The following FAM78B variants were observed in gnomAD, a reference collection of about 807,000 sequenced individuals.
FAM78B encodes the protein protein FAM78B.
A neutral mutation model predicts 20.0 loss-of-function variants in FAM78B; 10 were observed. The ratio of observed to expected loss-of-function variants is 0.50; its 90% CI spans 0.31 to 0.85. The LOEUF is 0.85. Among genes scored for constraint, FAM78B ranks in the 40% least tolerant of loss-of-function variants. The probability of loss-of-function intolerance (pLI) is 0.05; values close to 1 mark genes in which losing one functional copy is unlikely to be tolerated. For synonymous variants in FAM78B, 135 were observed against 132.8 expected (o/e 1.02, Z -0.12); for missense variants, 283 against 345.0 (o/e 0.82, Z 1.42).
chr1:166,109,379 A>G (rs958058924), intron 1 of FAM78B, among the ~76,000 whole-genome samples: 1 of 152,212 alleles, frequency 6.6e-6, no homozygotes, highest in Admixed American at 6.5e-5. Context: ...AAAAGAGGAT[A>G]TACAAATGGC....
chr1:166,076,562 C>A (rs995423736), intron 1 of FAM78B, among the ~76,000 whole-genome samples: 91 of 152,176 alleles, frequency 6.0e-4, no homozygotes, highest in African/African-American at 2.1e-3. Flanking sequence ...CTCCACAGCA[C>A]CTTCTAATAC....
chr1:166,117,582 T>A (rs1299842600), intron 1 of FAM78B, among the ~76,000 whole-genome samples: 1 of 152,152 alleles, frequency 6.6e-6, no homozygotes, highest in African/African-American at 2.4e-5. Context: ...TTTCTATGGA[T>A]ATGTGCTTTG....
intron 2 of FAM78B, among the ~76,000 whole-genome samples, chr1:166,063,693 C>T (rs560612575): frequency 2.0e-5 from 3 of 152,328 alleles, no homozygotes; most frequent in South Asian, 2.1e-4. Context: ...CTAGGCTCAG[C>T]GATCTCACTA....
intron 1 of FAM78B, among the ~76,000 whole-genome samples, chr1:166,132,570 C>A (rs1654915063): frequency 6.6e-6 from 1 of 152,166 alleles, no homozygotes; most frequent in Non-Finnish European, 1.5e-5. Flanking sequence ...TATGCCATCT[C>A]CCTTCTTGTA....
chr1:166,068,602 T>TTTA (rs554840208), downstream of FAM78B, among the ~76,000 whole-genome samples: 224 of 152,332 alleles, frequency 1.5e-3, no homozygotes, highest in African/African-American at 5.2e-3. Flanking sequence ...CCTGCTGCTT[T>TTTA]TTATTCTCTA....
At position 166,166,395 on chromosome 1, in the gene FAM78B, C is replaced by A; in HGVS notation, c.-147G>T. The A allele has an allele frequency of 1.5e-6, 1 of 681,316 alleles. No individual in the cohort carries two copies. The highest frequency in any genetic ancestry group is 1.8e-6 in the Non-Finnish European group (1 of 544,918). The allele number at this position is 681,316 out of a possible 1,614,324, so 42.2% of individuals were successfully genotyped here. A position where few individuals can be genotyped will look rare whatever the true frequency, so the allele number is the denominator to read the frequency against. ...CACCTAGGAGCGGGGAGCCGCCGGG[C>A]ATCCTTGGGGAAGCCCCCTCCTCTT... On this transcript the variant is annotated 5_prime_UTR_variant, in exon 1 of 2. The change abolishes an upstream ATG in the 5' untranslated region. Coordinates refer to ENST00000354422, the MANE Select transcript of FAM78B (RefSeq NM_001017961.5).
At chr1:166,086,268 C>G (rs1429347619) in intron 1 of FAM78B, among the ~76,000 whole-genome samples, 1 of 152,144 alleles carries the variant, frequency 6.6e-6, no homozygotes, top group Non-Finnish European at 1.5e-5. Context: ...TAACCTGATT[C>G]TCCCTCCCCC....
intron 1 of FAM78B, among the ~76,000 whole-genome samples, chr1:166,100,596 T>G (rs1378465219): frequency 6.6e-6 from 1 of 152,230 alleles, no homozygotes; most frequent in African/African-American, 2.4e-5. Flanking sequence ...TGCTGATTGC[T>G]AGCACAGCAG....
At chr1:166,124,575 A>G (rs972594896) in intron 1 of FAM78B, among the ~76,000 whole-genome samples, 3 of 152,238 alleles carry the variant, frequency 2.0e-5, no homozygotes, top group African/African-American at 7.2e-5. Context: ...TATAAGTAGC[A>G]GAGCCAAGTT....
At chr1:166,122,241 G>A (rs1363035398) in intron 1 of FAM78B, among the ~76,000 whole-genome samples, 2 of 152,126 alleles carry the variant, frequency 1.3e-5, no homozygotes, top group Non-Finnish European at 2.9e-5. Context: ...CTGATAATCA[G>A]GAGAAGGCTG....
intron 1 of FAM78B, among the ~76,000 whole-genome samples, chr1:166,104,373 GAAAT>G (rs1653675657): frequency 6.6e-6 from 1 of 152,098 alleles, no homozygotes; most frequent in African/African-American, 2.4e-5. Context: ...GCAGGAGAAG[GAAAT>G]ATAGGGTATT....
At chr1:166,115,016 G>A (rs563965839) in intron 1 of FAM78B, among the ~76,000 whole-genome samples, 1 of 152,264 alleles carries the variant, frequency 6.6e-6, no homozygotes, top group African/African-American at 2.4e-5. Flanking sequence ...AGAGAGTTTT[G>A]GGAGGAGCAT....
chr1:166,135,329 T>C (rs1386525427), intron 1 of FAM78B, among the ~76,000 whole-genome samples: 3 of 152,206 alleles, frequency 2.0e-5, no homozygotes, highest in Admixed American at 2.0e-4. Flanking sequence ...TCCAAAACTC[T>C]GAGAACAATT....
chr1:166,114,655 G>A (rs1424665990), intron 1 of FAM78B, among the ~76,000 whole-genome samples: 2 of 152,252 alleles, frequency 1.3e-5, no homozygotes, highest in African/African-American at 2.4e-5. Context: ...GATAGTGGGA[G>A]TAGGGAGGAG....
chr1:166,111,067 G>A (rs181083429), intron 1 of FAM78B, among the ~76,000 whole-genome samples: 10 of 152,128 alleles, frequency 6.6e-5, no homozygotes, highest in African/African-American at 2.2e-4. Flanking sequence ...AAAGTGTAAG[G>A]TCTCTGTGTG....
downstream of FAM78B, among the ~76,000 whole-genome samples, chr1:166,068,961 C>G (rs537685316): frequency 6.6e-6 from 1 of 152,246 alleles, no homozygotes; most frequent in South Asian, 2.1e-4. Flanking sequence ...AACCTGGCCT[C>G]TCATCTTTAC....
At chr1:166,110,181 T>C (rs1004257992) in intron 1 of FAM78B, among the ~76,000 whole-genome samples, 3 of 151,442 alleles carry the variant, frequency 2.0e-5, no homozygotes, top group African/African-American at 4.9e-5. Flanking sequence ...GCTCGGGTGA[T>C]GGGTGCACCA....
intron 1 of FAM78B, among the ~76,000 whole-genome samples, chr1:166,073,673 A>C (rs577249881): frequency 4.0e-4 from 61 of 152,190 alleles, no homozygotes; most frequent in Non-Finnish European, 7.8e-4. Flanking sequence ...TATTTGAGTC[A>C]CTCAATGACC....
At chr1:166,094,751 T>C (rs1165458080) in intron 1 of FAM78B, among the ~76,000 whole-genome samples, 1 of 152,198 alleles carries the variant, frequency 6.6e-6, no homozygotes, top group East Asian at 1.9e-4. Flanking sequence ...GGAGGACATC[T>C]GGATACCAAG....
Sources: gnomAD v4.1 joint callset for allele counts (sites outside exome capture counted in the v4.1 genomes callset) on GRCh38, gnomAD v4.1.1 for gene constraint, MANE v1.5 for transcripts, NCBI Gene and HGNC (gene_info 2026-07-23, HGNC 2026-07-21) for gene names.